The following NFATC2 variants were observed in gnomAD, a reference collection of about 807,000 sequenced individuals.
NFATC2 encodes the protein nuclear factor of activated T-cells, cytoplasmic 2.
NFATC2 carries 22 observed loss-of-function variants against 87.3 expected under a neutral mutation model. The ratio of observed to expected loss-of-function variants is 0.25; its 90% CI spans 0.18 to 0.36. The LOEUF (loss-of-function observed/expected upper bound fraction) is 0.36. NFATC2 is among the 10% of genes least tolerant of loss of function. The pLI is 1.00. For missense variants in NFATC2, 1,149 were observed against 1,259.1 expected, an observed-to-expected ratio of 0.91 and a Z score of 1.32; for synonymous variants, 565 against 542.2, an observed-to-expected ratio of 1.04 and a Z score of -0.58.
intron 5 of NFATC2, among the ~76,000 whole-genome samples, chr20:51,465,739 C>A (rs1186344357): frequency 6.6e-6 from 1 of 152,030 alleles, no homozygotes; most frequent in Non-Finnish European, 1.5e-5. Flanking sequence ...TCCCAAGCCA[C>A]CAACCCGTGG....
intron 5 of NFATC2, among the ~76,000 whole-genome samples, chr20:51,462,651 G>A (rs1241167584): frequency 6.6e-6 from 1 of 152,098 alleles, no homozygotes; most frequent in Non-Finnish European, 1.5e-5. Flanking sequence ...TATAAAATGG[G>A]AATATCACAG....
rs529955688 is a variant in NFATC2, at chr20:51,505,255, T to C, written c.1332+11529A>G. 1.1e-4 allele frequency among the ~76,000 whole-genome samples: 16 copies of C among 151,594 alleles called. No individual in the cohort carries two copies. In the South Asian group the frequency reaches 1.3e-3, roughly 12 times the overall value. On this transcript the variant is annotated intron_variant, in intron 3 of 10. Transcript: ENST00000371564. ...ATGGTCTCACTCGATCTCTTGACCT[T>C]GTGATCTGCCCACCTCGGCCTCCCA...
rs1986080393 is a variant in NFATC2 at position 51,389,263 on chromosome 20, A to G, written c.*2233T>C. 6.6e-6 allele frequency: 1 copy of G among 152,206 alleles called. No individual in the cohort carries two copies. Among genetic ancestry groups the G allele is most frequent in the Admixed American group, 6.5e-5 (1 of 15,288 alleles). 9.4% of individuals were successfully genotyped at this position (152,206 alleles called of 1,614,324 possible). A position where few individuals can be genotyped will look rare whatever the true frequency, so the allele number is the denominator to read the frequency against. On this transcript the variant is annotated 3_prime_UTR_variant, in exon 11 of 11. Transcript: ENST00000371564. ...TTAGTCCTTTTTCACCCTGTGGACA[A>G]GGAAGCTGAGCTACTTTGCTACAAT...
At chr20:51,561,338 A>G (rs1220594510) in intron 1 of NFATC2, among the ~76,000 whole-genome samples, 2 of 148,248 alleles carry the variant, frequency 1.3e-5, no homozygotes, top group Admixed American at 1.3e-4. Flanking sequence ...AAAAAAAAAA[A>G]GAAAGAAAGA....
At chr20:51,534,008 A>C (rs953375836) in intron 1 of NFATC2, among the ~76,000 whole-genome samples, 24 of 152,068 alleles carry the variant, frequency 1.6e-4, no homozygotes, top group African/African-American at 5.8e-4. Context: ...CCTGCCTTGG[A>C]GAATTCCAGA....
intron 3 of NFATC2, among the ~76,000 whole-genome samples, chr20:51,477,519 A>ATG (rs1179310000): frequency 7.8e-6 from 1 of 128,876 alleles, no homozygotes; most frequent in Non-Finnish European, 1.6e-5. Flanking sequence ...ATATATATAC[A>ATG]TATGTGTGTG....
intron 5 of NFATC2, among the ~76,000 whole-genome samples, chr20:51,460,520 A>G (rs1352743979): frequency 2.0e-5 from 3 of 151,732 alleles, no homozygotes; most frequent in African/African-American, 7.3e-5. Context: ...AGCCATAGAC[A>G]TTGTTGTCTT....
intron 6 of NFATC2, among the ~76,000 whole-genome samples, chr20:51,449,680 G>A (rs907643230): frequency 2.6e-5 from 4 of 152,122 alleles, no homozygotes; most frequent in Non-Finnish European, 5.9e-5. Context: ...TCCAAGGTGT[G>A]GGGTCTAGAG....
At position 51,432,740 on chromosome 20, in the gene NFATC2, C is replaced by A; in HGVS notation, c.2049G>T (p.Thr683=). Residue 683 remains threonine (T), a synonymous_variant, in exon 9 of 11, where the codon ACG becomes ACT. Transcript: ENST00000371564. The surrounding 1 kb of genome is among the most constrained non-coding windows in gnomAD (Gnocchi z 4.6). ...FTYHPVPAIK[T]EPTDEYDPTL... is the part of the protein sequence containing the mutation. Reference sequence around the variant, plus strand: ...TGGGGTCATATTCATCCGTGGGCTCCGTCTTGATGGCTGGGACTGGGAGGA... The same window carrying A: ...TGGGGTCATATTCATCCGTGGGCTCAGTCTTGATGGCTGGGACTGGGAGGA... The A allele has an allele frequency of 6.3e-7, 1 of 1,580,478 alleles. No individual in the cohort carries two copies. The highest frequency in any genetic ancestry group is 8.5e-7 in the Non-Finnish European group (1 of 1,171,614).
At chr20:51,527,968 G>A (rs1050246579) in intron 1 of NFATC2, among the ~76,000 whole-genome samples, 9 of 151,564 alleles carry the variant, frequency 5.9e-5, no homozygotes, top group African/African-American at 1.5e-4. Flanking sequence ...GCTGGGCATG[G>A]TGGCACCTAC....
rs564429298 is a variant in NFATC2 at position 51,404,219 on chromosome 20, C to A, written c.2723-5489G>T. The stretch of plus-strand genomic sequence containing the variant: ...CTCAGCTGTCCTGGCGAGGGGCTCA[C>A]ACCCTGGGGTCAGAGTCCCAGGGAC... On this transcript the variant is annotated intron_variant, in intron 9 of 10. Coordinates refer to ENST00000371564, the MANE Select transcript of NFATC2 (RefSeq NM_012340.5). 3.3e-5 allele frequency among the ~76,000 whole-genome samples: 5 copies of A among 152,354 alleles called. No individual in the cohort carries two copies. The South Asian group carries it at 1.0e-3, about 32-fold the overall frequency.
At chr20:51,513,729 C>T (rs1246069960) in intron 3 of NFATC2, among the ~76,000 whole-genome samples, 1 of 152,220 alleles carries the variant, frequency 6.6e-6, no homozygotes, top group Non-Finnish European at 1.5e-5. Context: ...ATGGGCGGCA[C>T]CCTCCCAAGA....
intron 3 of NFATC2, among the ~76,000 whole-genome samples, chr20:51,515,831 C>T (rs1337413302): frequency 6.6e-6 from 1 of 152,074 alleles, no homozygotes; most frequent in Non-Finnish European, 1.5e-5. Flanking sequence ...CTGGGCTTTA[C>T]TCATGTTATA....
chr20:51,394,083 G>A (rs1252668175), intron 10 of NFATC2, among the ~76,000 whole-genome samples: 2 of 152,128 alleles, frequency 1.3e-5, no homozygotes, highest in Non-Finnish European at 2.9e-5. Flanking sequence ...GCTATTGGGG[G>A]TGGTGAAGTG....
chr20:51,476,891 T>C (rs539629415), intron 3 of NFATC2, among the ~76,000 whole-genome samples: 2 of 152,312 alleles, frequency 1.3e-5, no homozygotes, highest in African/African-American at 4.8e-5. Flanking sequence ...TTTGATAATA[T>C]CAAGTATTTT....
chr20:51,452,636 C>T (rs992020331), intron 6 of NFATC2, among the ~76,000 whole-genome samples: 1 of 152,204 alleles, frequency 6.6e-6, no homozygotes, highest in Non-Finnish European at 1.5e-5. Context: ...CCCGTCCTCC[C>T]TGCCCAACCT....
intron 10 of NFATC2, among the ~76,000 whole-genome samples, chr20:51,397,953 A>C (rs927576197): frequency 5.3e-5 from 8 of 152,166 alleles, no homozygotes; most frequent in African/African-American, 1.9e-4. Flanking sequence ...TTCACACCCC[A>C]GGGCCTCCTG....
At chr20:51,502,863 A>G (rs918631244) in intron 3 of NFATC2, among the ~76,000 whole-genome samples, 2 of 152,230 alleles carry the variant, frequency 1.3e-5, no homozygotes, top group African/African-American at 4.8e-5. Context: ...TAGAAACCTC[A>G]GTTTCATGGG....
At position 51,423,905 on chromosome 20, in the gene NFATC2, T is replaced by C. The variant is rs559408449; in HGVS notation, c.2722+8162A>G. Among the ~76,000 whole-genome samples the C allele has an allele frequency of 2.6e-4, 39 of 152,278 alleles. No homozygotes were observed. In the South Asian group the frequency reaches 7.3e-3, roughly 28 times the overall value. On this transcript the variant is annotated intron_variant, in intron 9 of 10. Coordinates refer to ENST00000371564, the MANE Select transcript of NFATC2 (RefSeq NM_012340.5). ...TTTGGAAACACTTGCTTTGCAGAAT[T>C]TCAAAAAGATCACTGAGCGTTTCTG... is the stretch of plus-strand genomic sequence containing the variant.
Sources: gnomAD v4.1 joint callset for allele counts (sites outside exome capture counted in the v4.1 genomes callset) on GRCh38, gnomAD v4.1.1 for gene constraint, Gnocchi (gnomAD v3.1) non-coding constraint, MANE v1.5 for transcripts, NCBI Gene and HGNC (gene_info 2026-07-23, HGNC 2026-07-21) for gene names.